The following PITPNC1 variants were observed in gnomAD, a reference collection of about 807,000 sequenced individuals.
The protein encoded by PITPNC1 is cytoplasmic phosphatidylinositol transfer protein 1.
PITPNC1 carries 18 observed loss-of-function variants against 44.7 expected under a neutral mutation model. That is an observed-to-expected ratio of 0.40 (90% CI 0.28 to 0.60). The LOEUF is 0.60. Ranked by LOEUF, PITPNC1 falls within the 20% of genes least tolerant of loss-of-function variation. PITPNC1 has a pLI of 0.39. For missense variants in PITPNC1, 290 were observed against 418.4 expected (o/e 0.69, Z 2.68); for synonymous variants, 141 against 149.6 (o/e 0.94, Z 0.42).
At chr17:67,650,742 C>T (rs1339949671) in intron 6 of PITPNC1, among the ~76,000 whole-genome samples, 3 of 152,062 alleles carry the variant, frequency 2.0e-5, no homozygotes, top group Non-Finnish European at 4.4e-5. Flanking sequence ...TGAGCCACGG[C>T]GCCTGGCCAA....
intron 5 of PITPNC1, among the ~76,000 whole-genome samples, chr17:67,591,656 AT>A (rs1373487642): frequency 3.9e-5 from 6 of 152,098 alleles, no homozygotes; most frequent in African/African-American, 1.4e-4. Context: ...TATTCTTGCA[AT>A]TTTTTGACAT....
chr17:67,495,963 A>G (rs1222440262), intron 1 of PITPNC1, among the ~76,000 whole-genome samples: 1 of 152,204 alleles, frequency 6.6e-6, no homozygotes, highest in African/African-American at 2.4e-5. Context: ...ATGCCATTGG[A>G]TGTAGGAAAG....
chr17:67,577,830 C>T (rs1276600641), intron 4 of PITPNC1, among the ~76,000 whole-genome samples: 4 of 152,174 alleles, frequency 2.6e-5, no homozygotes, highest in African/African-American at 4.8e-5. Context: ...GCAATGGTAG[C>T]TGCTCCCCAA....
At chr17:67,384,005 C>G (rs1478502830) in intron 1 of PITPNC1, among the ~76,000 whole-genome samples, 1 of 152,106 alleles carries the variant, frequency 6.6e-6, no homozygotes, top group African/African-American at 2.4e-5. Flanking sequence ...CCATCGCACT[C>G]CAGCCTGGGC....
chr17:67,622,677 C>T (rs961581916), intron 5 of PITPNC1, among the ~76,000 whole-genome samples: 1 of 151,728 alleles, frequency 6.6e-6, no homozygotes, highest in East Asian at 1.9e-4. Context: ...GTCAGAAGTT[C>T]GAGACCAGGC....
chr17:67,424,842 A>G (rs2038722776), intron 1 of PITPNC1, among the ~76,000 whole-genome samples: 1 of 151,964 alleles, frequency 6.6e-6, no homozygotes, highest in Non-Finnish European at 1.5e-5. Context: ...CAAGCTAAGC[A>G]TGTGACCTTC....
intron 5 of PITPNC1, among the ~76,000 whole-genome samples, chr17:67,606,760 T>G (rs373374777): frequency 6.3e-4 from 92 of 145,802 alleles, no homozygotes; most frequent in African/African-American, 2.1e-3. Flanking sequence ...CAGAAGAGGG[T>G]TTTTTTTTTT....
intron 1 of PITPNC1, among the ~76,000 whole-genome samples, chr17:67,513,506 T>TA (rs2040219551): frequency 6.8e-6 from 1 of 147,976 alleles, no homozygotes; most frequent in African/African-American, 2.5e-5. Context: ...TATATATATA[T>TA]ATATATAGTA....
At chr17:67,590,891 T>A (rs969057577) in intron 5 of PITPNC1, among the ~76,000 whole-genome samples, 1 of 151,516 alleles carries the variant, frequency 6.6e-6, no homozygotes, top group South Asian at 2.1e-4. Context: ...AGATGGAGGT[T>A]GCACTGAGCC....
chr17:67,619,640 C>T (rs1365414853), intron 5 of PITPNC1, among the ~76,000 whole-genome samples: 2 of 152,128 alleles, frequency 1.3e-5, no homozygotes, highest in Non-Finnish European at 2.9e-5. Flanking sequence ...TGAGGGCAGC[C>T]GCCTTACTCC....
chr17:67,475,001 A>G (rs561981512), intron 1 of PITPNC1, among the ~76,000 whole-genome samples: 26 of 152,136 alleles, frequency 1.7e-4, no homozygotes, highest in Non-Finnish European at 3.1e-4. Context: ...GATGGCATTC[A>G]CCTATTAATT....
At chr17:67,450,922 T>C (rs1476751465) in intron 1 of PITPNC1, among the ~76,000 whole-genome samples, 1 of 152,220 alleles carries the variant, frequency 6.6e-6, no homozygotes, top group African/African-American at 2.4e-5. Context: ...TGAATTGGCC[T>C]ATTCTAGGTA....
intron 2 of PITPNC1, among the ~76,000 whole-genome samples, chr17:67,536,249 T>A (rs1048127681): frequency 1.3e-5 from 2 of 152,018 alleles, no homozygotes; most frequent in Non-Finnish European, 2.9e-5. Context: ...TAGAAAAAAA[T>A]ATTGATTAAT....
intron 4 of PITPNC1, 69 bp from the exon 5 acceptor site, chr17:67,578,117 A>C (rs1421989705): frequency 9.5e-7 from 1 of 1,050,626 alleles, no homozygotes; most frequent in Non-Finnish European, 1.5e-6. Context: ...GAAAGTATTC[A>C]GAAGCTCTGC....
At chr17:67,666,609 C>G (rs567536251) in intron 6 of PITPNC1, among the ~76,000 whole-genome samples, 1 of 152,302 alleles carries the variant, frequency 6.6e-6, no homozygotes, top group African/African-American at 2.4e-5. Context: ...GAGTTTACAT[C>G]TGGGAGGCCA....
At chr17:67,433,228 T>TGGGCCAGACCAAGGG (rs2038882074) in intron 1 of PITPNC1, among the ~76,000 whole-genome samples, 1 of 152,154 alleles carries the variant, frequency 6.6e-6, no homozygotes, top group Non-Finnish European at 1.5e-5. Context: ...AGAATTTAGT[T>TGGGCCAGACCAAGGG]GGGCCAGACC....
At chr17:67,671,575 T>A (rs2042512403) in intron 7 of PITPNC1, among the ~76,000 whole-genome samples, 1 of 152,186 alleles carries the variant, frequency 6.6e-6, no homozygotes, top group African/African-American at 2.4e-5. Context: ...TCTTGAACCC[T>A]CATAACTCAG....
chr17:67,419,500 C>A (rs1056923562), intron 1 of PITPNC1, among the ~76,000 whole-genome samples: 2 of 152,156 alleles, frequency 1.3e-5, no homozygotes, highest in African/African-American at 4.8e-5. Flanking sequence ...GTCTTCCCTA[C>A]CTACTTGGGA....
intron 1 of PITPNC1, among the ~76,000 whole-genome samples, chr17:67,509,467 G>A (rs1168804062): frequency 6.6e-6 from 1 of 150,914 alleles, no homozygotes; most frequent in Non-Finnish European, 1.5e-5. Flanking sequence ...AACCCAGGAG[G>A]TGGAGGTTGC....
Sources: allele counts gnomAD v4.1 joint callset (sites outside exome capture counted in the v4.1 genomes callset), GRCh38; gene constraint gnomAD v4.1.1; transcripts MANE v1.5; gene names NCBI Gene and HGNC (gene_info 2026-07-23, HGNC 2026-07-21).